Variants in KIF6 observed in about 807,000 individuals in gnomAD.
KIF6 encodes kinesin family member 6, also known as kinesin-like protein KIF6.
KIF6 carries 106 observed loss-of-function variants against 112.7 expected under a neutral mutation model. The observed-to-expected ratio is 0.94, with a 90% confidence interval of 0.80 to 1.11. KIF6 has a LOEUF of 1.11. KIF6 is among the 50% of genes least tolerant of loss of function. The pLI is 0.00. For synonymous variants in KIF6, 339 were observed against 339.9 expected (o/e 1.00, Z 0.03); for missense variants, 929 against 964.0 (o/e 0.96, Z 0.48).
chr6:39,565,826 T>C (rs371615967), intron 10 of KIF6, among the ~76,000 whole-genome samples: 180 of 152,320 alleles, frequency 1.2e-3, no homozygotes, highest in South Asian at 3.7e-3. Context: ...AATGCTAAAT[T>C]CAGAAAATGG....
chr6:39,665,082 T>C (rs1206913180), intron 3 of KIF6, among the ~76,000 whole-genome samples: 2 of 152,170 alleles, frequency 1.3e-5, no homozygotes, highest in African/African-American at 2.4e-5. Flanking sequence ...AAGGGAAATG[T>C]ATAAACATAT....
intron 13 of KIF6, among the ~76,000 whole-genome samples, chr6:39,513,431 A>G (rs1776893347): frequency 6.6e-6 from 1 of 152,240 alleles, no homozygotes; most frequent in Admixed American, 6.5e-5. Context: ...AGGAAGTTTA[A>G]GCATCAGGGC....
intron 13 of KIF6, among the ~76,000 whole-genome samples, chr6:39,510,335 A>G (rs1776698840): frequency 6.6e-6 from 1 of 151,956 alleles, no homozygotes; most frequent in African/African-American, 2.4e-5. Flanking sequence ...CTCATGATCC[A>G]TCTGCCTCAG....
intron 14 of KIF6, among the ~76,000 whole-genome samples, chr6:39,422,115 A>G (rs1365653913): frequency 2.0e-5 from 3 of 152,230 alleles, no homozygotes. Flanking sequence ...GGAAAATACA[A>G]GAGCAAGGGT....
intron 13 of KIF6, among the ~76,000 whole-genome samples, chr6:39,487,727 C>T (rs536799548): frequency 6.6e-6 from 1 of 152,268 alleles, no homozygotes; most frequent in East Asian, 1.9e-4. Flanking sequence ...TGCGAATGGG[C>T]AGTTTAGTGG....
chr6:39,446,581 C>G (rs1174141299), intron 13 of KIF6, among the ~76,000 whole-genome samples: 3 of 152,202 alleles, frequency 2.0e-5, no homozygotes, highest in African/African-American at 7.2e-5. Flanking sequence ...GCAACCTCCA[C>G]TTCCCAGGTT....
At chr6:39,615,976 T>C (rs906658233) in intron 5 of KIF6, among the ~76,000 whole-genome samples, 2 of 152,108 alleles carry the variant, frequency 1.3e-5, no homozygotes, top group Non-Finnish European at 2.9e-5. Flanking sequence ...GTTTATATAA[T>C]TACTGAATCA....
intron 4 of KIF6, among the ~76,000 whole-genome samples, chr6:39,636,153 G>A (rs1784614619): frequency 6.6e-6 from 1 of 152,050 alleles, no homozygotes; most frequent in Non-Finnish European, 1.5e-5. Context: ...ACTCATTAAA[G>A]TGAGGAAGTT....
chr6:39,425,826 T>C (rs1314243032), intron 14 of KIF6, among the ~76,000 whole-genome samples: 2 of 146,654 alleles, frequency 1.4e-5, no homozygotes, highest in East Asian at 3.9e-4. Flanking sequence ...ATCATAAGGG[T>C]TAAAATGAAA....
At chr6:39,573,878 C>T (rs926503130) in intron 10 of KIF6, among the ~76,000 whole-genome samples, 6 of 152,192 alleles carry the variant, frequency 3.9e-5, no homozygotes, top group Non-Finnish European at 8.8e-5. Context: ...CTAGGTTTTG[C>T]TCATATTTGT....
intron 13 of KIF6, among the ~76,000 whole-genome samples, chr6:39,498,934 T>C (rs558051407): frequency 6.6e-6 from 1 of 151,744 alleles, no homozygotes; most frequent in Non-Finnish European, 1.5e-5. Flanking sequence ...GGGAAATAAA[T>C]AGAAAAAGGG....
intron 14 of KIF6, among the ~76,000 whole-genome samples, chr6:39,422,043 C>T (rs939355272): frequency 1.3e-5 from 2 of 152,168 alleles, no homozygotes; most frequent in African/African-American, 2.4e-5. Context: ...CGTTGCTCAA[C>T]GAGTGACTCC....
chr6:39,681,977 C>CA (rs1554146868), intron 3 of KIF6, among the ~76,000 whole-genome samples: 3 of 151,886 alleles, frequency 2.0e-5, no homozygotes, highest in Admixed American at 6.6e-5. Context: ...AAATGCTCAT[C>CA]GGGGGAAATA....
At chr6:39,479,025 G>A (rs1330598570) in intron 13 of KIF6, among the ~76,000 whole-genome samples, 1 of 151,968 alleles carries the variant, frequency 6.6e-6, no homozygotes, top group Non-Finnish European at 1.5e-5. Flanking sequence ...TATAGATTGT[G>A]AAAACTTTCT....
chr6:39,408,307 T>C (rs934051371), intron 15 of KIF6, among the ~76,000 whole-genome samples: 1 of 152,192 alleles, frequency 6.6e-6, no homozygotes, highest in African/African-American at 2.4e-5. Flanking sequence ...GGAAGGCAAC[T>C]GGGGAGTAGT....
chr6:39,586,285 G>C lies in KIF6; in HGVS notation c.966C>G (p.Leu322=), dbSNP rs146022097. 813 of 1,614,190 alleles carry C rather than the reference G, an allele frequency of 5.0e-4. 1 individual carries two copies. The African/African-American group carries it at 8.3e-3, about 17-fold the overall frequency. ...CATCAAGATTCCTTTTCTCCAAGGA[G>C]AGTGTTGCAATCATAGTTGTCATGC... ...GNCMTTMIAT[L]SLEKRNLDES... The change falls in exon 8 of 23, where the codon CTC becomes CTG. Residue 322 remains leucine, a synonymous_variant. Transcript: ENST00000287152.
Position 39,333,308 on chromosome 6 carries a change from T to C in KIF6, c.*3224A>G, listed in dbSNP as rs1762805230. 6.6e-6 allele frequency: 1 copy of C among 152,236 alleles called. No individual in the cohort carries two copies. The highest frequency in any genetic ancestry group is 1.9e-4 in the East Asian group (1 of 5,194). The allele number at this position is 152,236 out of a possible 1,614,324, so 9.4% of individuals were successfully genotyped here. On this transcript the variant is annotated 3_prime_UTR_variant, in exon 23 of 23. Coordinates refer to ENST00000287152, the MANE Select transcript of KIF6 (RefSeq NM_145027.6). ...TCTGCTATTGCTACAATTAATGCTATATAACAAACCACTCTAAACCTCAGT... is the reference window on the plus strand; with the variant it reads ...TCTGCTATTGCTACAATTAATGCTACATAACAAACCACTCTAAACCTCAGT...
In KIF6 at chr6:39,581,603, A is replaced by G. The variant is rs544608162; in HGVS notation, c.1077+3295T>C. 3.9e-5 allele frequency among the ~76,000 whole-genome samples: 6 copies of G among 152,222 alleles called. No individual in the cohort carries two copies. The South Asian group carries it at 1.2e-3, about 32-fold the overall frequency. On this transcript the variant is annotated intron_variant, in intron 9 of 22. Coordinates refer to ENST00000287152, the MANE Select transcript of KIF6 (RefSeq NM_145027.6). ...AGAAAAACTACTTTTTGTTTTACCT[A>G]TAGTCCATTTGAAAGCGGACAAGCT...
chr6:39,699,500 C>G (rs1364030876), intron 3 of KIF6, among the ~76,000 whole-genome samples: 2 of 151,990 alleles, frequency 1.3e-5, no homozygotes, highest in Non-Finnish European at 2.9e-5. Context: ...AAAAACAAAA[C>G]AAAACTATAA....
Sources: allele counts gnomAD v4.1 joint callset (sites outside exome capture counted in the v4.1 genomes callset), GRCh38; gene constraint gnomAD v4.1.1; transcripts MANE v1.5; gene names NCBI Gene and HGNC (gene_info 2026-07-23, HGNC 2026-07-21).